PALS1: variants seen among roughly 807,000 people sequenced by gnomAD.
The protein encoded by PALS1 is protein associated with LIN7 1, MAGUK p55 family member.
A neutral mutation model predicts 78.9 loss-of-function variants in PALS1; 31 were observed. The observed-to-expected ratio is 0.39, with a 90% CI of 0.30 to 0.53. PALS1 has a LOEUF of 0.53. Among genes scored for constraint, PALS1 ranks in the 20% least tolerant of loss-of-function variants. The probability of loss-of-function intolerance (pLI) is 0.67; values close to 1 mark genes in which losing one functional copy is unlikely to be tolerated. For missense variants in PALS1, 704 were observed against 826.5 expected (o/e 0.85, Z 1.82); for synonymous variants, 276 against 270.9 (o/e 1.02, Z -0.18).
At chr14:67,316,528 A>G (rs1313023433) in intron 9 of PALS1, among the ~76,000 whole-genome samples, 1 of 152,226 alleles carries the variant, frequency 6.6e-6, no homozygotes, top group African/African-American at 2.4e-5. Context: ...GATCCAGGAT[A>G]GTACTTTTCC....
chr14:67,311,630 G>T (rs190450732), intron 8 of PALS1, among the ~76,000 whole-genome samples: 347 of 152,232 alleles, frequency 2.3e-3, no homozygotes, highest in Non-Finnish European at 4.1e-3. Context: ...AGAATAGTCT[G>T]TCATATCTTA....
intron 1 of PALS1, among the ~76,000 whole-genome samples, chr14:67,257,563 A>G (rs2084164022): frequency 6.6e-6 from 1 of 152,138 alleles, no homozygotes; most frequent in Admixed American, 6.6e-5. Context: ...AGACAGCTAA[A>G]TATTCATCTT....
At chr14:67,253,342 A>G (rs778229637) in intron 1 of PALS1, among the ~76,000 whole-genome samples, 49 of 152,344 alleles carry the variant, frequency 3.2e-4, no homozygotes, top group Non-Finnish European at 5.6e-4. Flanking sequence ...ATGAATAATT[A>G]TAATTGTATG....
At chr14:67,289,415 C>T (rs1233013968) in intron 3 of PALS1, among the ~76,000 whole-genome samples, 1 of 151,926 alleles carries the variant, frequency 6.6e-6, no homozygotes, top group Non-Finnish European at 1.5e-5. Flanking sequence ...ATGTGTATAC[C>T]TTATATGCAA....
At chr14:67,286,867 A>G (rs2084697590) in intron 3 of PALS1, among the ~76,000 whole-genome samples, 1 of 151,000 alleles carries the variant, frequency 6.6e-6, no homozygotes, top group Non-Finnish European at 1.5e-5. Context: ...AAAAAAAAAA[A>G]AAAAAAAGAA....
chr14:67,301,518 T>C, intron 5 of PALS1, 52 bp downstream of exon 5: 1 of 1,379,076 alleles, frequency 7.3e-7, no homozygotes, highest in Non-Finnish European at 1.0e-6. Context: ...ATTCTTCTAT[T>C]TTTTTAAATC....
intron 2 of PALS1, among the ~76,000 whole-genome samples, chr14:67,273,163 A>G (rs918794332): frequency 4.0e-5 from 6 of 151,570 alleles, no homozygotes; most frequent in African/African-American, 1.5e-4. Flanking sequence ...CATGTGCACA[A>G]CGTGCAGGTT....
chr14:67,291,072 G>A (rs1250467723), intron 3 of PALS1, among the ~76,000 whole-genome samples: 1 of 152,082 alleles, frequency 6.6e-6, no homozygotes, highest in East Asian at 1.9e-4. Context: ...GAAAAGCAGG[G>A]GGGTCGGAGT....
rs751371573 is a variant in PALS1 at position 67,312,811 on chromosome 14, A to C, written c.1225+101A>C. On this transcript the variant is annotated intron_variant, in intron 9 of 14. Transcript: ENST00000261681. ...ACTCTTTCATGCCTCTATTTAATAA[A>C]GTATTCCAGTTACTTTTTCGTGTAG... The C allele has an allele frequency of 1.5e-3, 1,422 of 938,296 alleles. 2 individuals carry two copies. Among genetic ancestry groups the C allele is most frequent in the Non-Finnish European group, 1.9e-3 (1,314 of 676,508 alleles). The allele number at this position is 938,296 out of a possible 1,614,324, so 58.1% of individuals were successfully genotyped here.
intron 9 of PALS1, among the ~76,000 whole-genome samples, chr14:67,314,085 G>A (rs965350092): frequency 1.3e-5 from 2 of 151,720 alleles, no homozygotes; most frequent in East Asian, 1.9e-4. Flanking sequence ...CTTTTTTAGC[G>A]ATCATCCCTC....
At chr14:67,280,853 T>TCCTTCCC (rs1555520241) in intron 3 of PALS1, among the ~76,000 whole-genome samples, 832 of 77,576 alleles carry the variant, frequency 0.011, 6 homozygotes, top group Middle Eastern at 0.018. Context: ...CCTTCCTTCC[T>TCCTTCCC]TCCCTCCCTC....
Position 67,302,044 on chromosome 14 carries a change from T to C in PALS1, c.727T>C (p.Tyr243His), listed in dbSNP as rs751035064. The part of the protein sequence containing the change: ...QLEPITDERV[Y>H]ESIGQYGGET... ...AGAGCCCATTACAGATGAGAGAGTT[T>C]ATGAAAGTATTGGCCAGTATGGAGG... is the stretch of plus-strand genomic sequence containing the variant. The change falls in exon 6 of 15, where the codon TAT becomes CAT. Residue 243 changes from tyrosine to histidine, a missense_variant. Physicochemically the swap from Tyr to His is moderately conservative, Grantham distance 83. Transcript: ENST00000261681. 1 of 1,610,506 alleles carries C rather than the reference T, an allele frequency of 6.2e-7. No homozygotes were observed. Among genetic ancestry groups the C allele is most frequent in the South Asian group, 1.1e-5 (1 of 90,666 alleles).
At chr14:67,285,136 C>T (rs1247386816) in intron 3 of PALS1, among the ~76,000 whole-genome samples, 1 of 152,062 alleles carries the variant, frequency 6.6e-6, no homozygotes, top group African/African-American at 2.4e-5. Flanking sequence ...ATATTTGACC[C>T]TACAGTTTAG....
At chr14:67,332,013 TCAAA>T (rs2085458365) in intron 14 of PALS1, among the ~76,000 whole-genome samples, 3 of 152,222 alleles carry the variant, frequency 2.0e-5, no homozygotes, top group Admixed American at 2.0e-4. Flanking sequence ...TTACAGAAGT[TCAAA>T]CAGTTGAATG....
chr14:67,286,279 C>T (rs1452472824), intron 3 of PALS1, among the ~76,000 whole-genome samples: 1 of 152,172 alleles, frequency 6.6e-6, no homozygotes, highest in East Asian at 1.9e-4. Flanking sequence ...TCATTTCTCT[C>T]TTTCTCTGTC....
intron 8 of PALS1, among the ~76,000 whole-genome samples, chr14:67,304,468 C>G (rs986512319): frequency 1.3e-5 from 2 of 152,104 alleles, no homozygotes; most frequent in Non-Finnish European, 2.9e-5. Flanking sequence ...ATTTTAAAAG[C>G]CTACAGTACT....
At chr14:67,303,890 C>T (rs1171124273) in intron 8 of PALS1, among the ~76,000 whole-genome samples, 1 of 152,082 alleles carries the variant, frequency 6.6e-6, no homozygotes, top group Non-Finnish European at 1.5e-5. Flanking sequence ...ACCTCAGCCT[C>T]TTGAGTAGCT....
chr14:67,243,877 C>T lies in PALS1; in HGVS notation c.-237+2344C>T, dbSNP rs540300329. ...TCTTAGTGGTTATATAGTCTAACCTCTTCATTTTCCATGAAAAAGAAAGTG... is the reference window on the plus strand; with the variant it reads ...TCTTAGTGGTTATATAGTCTAACCTTTTCATTTTCCATGAAAAAGAAAGTG... On this transcript the variant is annotated intron_variant, in intron 1 of 14. Coordinates refer to ENST00000261681, the MANE Select transcript of PALS1 (RefSeq NM_022474.4). Among the ~76,000 whole-genome samples the T allele has an allele frequency of 5.9e-5, 9 of 152,270 alleles. No homozygotes were observed. The East Asian group carries it at 1.5e-3, about 26-fold the overall frequency.
chr14:67,268,603 C>T (rs768169640), intron 1 of PALS1, among the ~76,000 whole-genome samples: 2 of 152,184 alleles, frequency 1.3e-5, no homozygotes, highest in East Asian at 3.8e-4. Context: ...AGGGTGACTT[C>T]CTAACGTTGC....
Sources: gnomAD v4.1 joint callset for allele counts (sites outside exome capture counted in the v4.1 genomes callset) on GRCh38, gnomAD v4.1.1 for gene constraint, MANE v1.5 for transcripts, NCBI Gene and HGNC (gene_info 2026-07-23, HGNC 2026-07-21) for gene names.